Variants in MARCHF7 observed in about 807,000 individuals in gnomAD.
The protein encoded by MARCHF7 is membrane associated ring-CH-type finger 7, also known as E3 ubiquitin-protein ligase MARCHF7.
In MARCHF7, 20 loss-of-function variants were observed where a neutral mutation model predicts 76.5. That is an observed-to-expected ratio of 0.26 (90% confidence interval 0.18 to 0.38). The LOEUF (loss-of-function observed/expected upper bound fraction) is 0.38, where lower values mean the gene tolerates loss of function less well. Among genes scored for constraint, MARCHF7 ranks in the 10% least tolerant of loss-of-function variants. The probability of loss-of-function intolerance (pLI) is 1.00; values close to 1 mark genes in which losing one functional copy is unlikely to be tolerated. For missense variants in MARCHF7, 797 were observed against 812.9 expected, an observed-to-expected ratio of 0.98 and a Z score of 0.24; for synonymous variants, 295 against 293.0, an observed-to-expected ratio of 1.01 and a Z score of -0.07.
intron 7 of MARCHF7, among the ~76,000 whole-genome samples, chr2:159,750,523 C>T (rs1705509624): frequency 6.6e-6 from 1 of 151,404 alleles, no homozygotes; most frequent in Non-Finnish European, 1.5e-5. Context: ...GACTCTGTCT[C>T]AAAATAAAAT....
intron 3 of MARCHF7, among the ~76,000 whole-genome samples, chr2:159,716,223 T>C (rs1036617026): frequency 6.6e-6 from 1 of 151,868 alleles, no homozygotes; most frequent in Non-Finnish European, 1.5e-5. Context: ...CCATGTTTAC[T>C]ATGATTTCCC....
intron 4 of MARCHF7, among the ~76,000 whole-genome samples, chr2:159,738,025 G>C (rs1318178016): frequency 6.6e-6 from 1 of 152,190 alleles, no homozygotes; most frequent in East Asian, 1.9e-4. Flanking sequence ...TATCAGCTCG[G>C]ATCCCACGCC....
chr2:159,757,167 G>A (rs920167154), intron 8 of MARCHF7, among the ~76,000 whole-genome samples: 33 of 152,268 alleles, frequency 2.2e-4, no homozygotes, highest in African/African-American at 7.7e-4. Context: ...CAAAGTGCTG[G>A]GATTACAGGC....
chr2:159,747,865 G>C lies in MARCHF7; in HGVS notation c.575G>C (p.Ser192Thr). Residue 192 changes from serine to threonine, a missense_variant, in exon 7 of 12, where the codon AGC (serine) becomes ACC (threonine). Physicochemically the swap from Ser to Thr is moderately conservative, Grantham distance 58. Around this residue, in one of 3 missense-constraint regions of MARCHF7, gnomAD observed 643 missense variants for 631.5 expected, o/e 1.02. Transcript: ENST00000409175. ...QGARPKENSM[S>T]TLQLNTSSTN... Reference sequence around the variant, plus strand: ...GCAAGACCAAAAGAAAACTCAATGAGCACTTTACAGTTGAATACATCATCC... The same window carrying C: ...GCAAGACCAAAAGAAAACTCAATGACCACTTTACAGTTGAATACATCATCC... 1.2e-6 allele frequency: 2 copies of C among 1,613,338 alleles called. No individual in the cohort carries two copies. The highest frequency in any genetic ancestry group is 2.2e-5 in the South Asian group (2 of 90,854).
chr2:159,759,153 A>C, intron 8 of MARCHF7, 73 bp from the exon 9 acceptor site: 3 of 812,086 alleles, frequency 3.7e-6, no homozygotes, highest in Non-Finnish European at 6.1e-6. Context: ...TTTAAGCTTA[A>C]AACTTAACGA....
chr2:159,713,510 T>G (rs1418934247), intron 1 of MARCHF7, among the ~76,000 whole-genome samples: 1 of 152,240 alleles, frequency 6.6e-6, no homozygotes, highest in Non-Finnish European at 1.5e-5. Context: ...TAGGATTGAT[T>G]AGCTATTTTT....
intron 4 of MARCHF7, among the ~76,000 whole-genome samples, chr2:159,730,947 T>C (rs1224951197): frequency 6.6e-6 from 1 of 152,060 alleles, no homozygotes; most frequent in Non-Finnish European, 1.5e-5. Flanking sequence ...CTGGAGTGAG[T>C]GGTGCAATCA....
At chr2:159,735,127 C>G (rs762036984) in intron 4 of MARCHF7, among the ~76,000 whole-genome samples, 16 of 152,158 alleles carry the variant, frequency 1.1e-4, no homozygotes, top group African/African-American at 3.9e-4. Context: ...CAAGGGAGAG[C>G]TCAAAGTCTT....
chr2:159,766,873 G>A (rs1035184866), intron 11 of MARCHF7, among the ~76,000 whole-genome samples: 2 of 151,934 alleles, frequency 1.3e-5, no homozygotes, highest in Non-Finnish European at 2.9e-5. Context: ...CATTCTCATC[G>A]GATGCACCAA....
At chr2:159,735,298 T>A (rs956697122) in intron 4 of MARCHF7, among the ~76,000 whole-genome samples, 3 of 152,242 alleles carry the variant, frequency 2.0e-5, no homozygotes, top group African/African-American at 7.2e-5. Context: ...GATTTTTAAT[T>A]AATCATTTGC....
chr2:159,712,516 C>G lies in MARCHF7; in HGVS notation c.-233C>G, dbSNP rs1400024480. 2.6e-5 allele frequency: 4 copies of G among 152,734 alleles called. No homozygotes were observed. The highest frequency in any genetic ancestry group is 7.2e-5 in the African/African-American group (3 of 41,410). The allele number at this position is 152,734 out of a possible 1,614,324, so 9.5% of individuals were successfully genotyped here. A position where few individuals can be genotyped will look rare whatever the true frequency, so the allele number is the denominator to read the frequency against. ...TTAACGGTGGTGGCTGGTTCTGCGC[C>G]GGATCCGGGAGAGGGGCGGGCGCCA... is the stretch of plus-strand genomic sequence containing the variant. On this transcript the variant is annotated 5_prime_UTR_variant, in exon 1 of 12. Transcript: ENST00000409175.
intron 4 of MARCHF7, among the ~76,000 whole-genome samples, chr2:159,739,003 C>G (rs1489988862): frequency 1.3e-5 from 2 of 152,208 alleles, no homozygotes; most frequent in East Asian, 3.9e-4. Flanking sequence ...GCCAAGGTAG[C>G]AGTGGGCTGG....
Position 159,743,311 on chromosome 2 carries a change from G to A in MARCHF7, c.346+58G>A, listed in dbSNP as rs1574337434. 3.7e-5 allele frequency: 56 copies of A among 1,498,696 alleles called. No individual in the cohort carries two copies. The East Asian group carries it at 1.3e-3, about 34-fold the overall frequency. 92.8% of individuals were successfully genotyped at this position (1,498,696 alleles called of 1,614,324 possible). On this transcript the variant is annotated intron_variant, in intron 5 of 11. Coordinates refer to ENST00000409175, the MANE Select transcript of MARCHF7 (RefSeq NM_001282805.2). The stretch of plus-strand genomic sequence containing the variant: ...GTTTTTCTCCAGGTGTAACACAGTT[G>A]TTCTTAGTTTTGGAATGAGGCAAGT...
intron 6 of MARCHF7, among the ~76,000 whole-genome samples, chr2:159,746,975 T>C (rs1318548947): frequency 6.6e-6 from 1 of 152,200 alleles, no homozygotes; most frequent in Non-Finnish European, 1.5e-5. Context: ...AGTATAAAAG[T>C]ACAGGATAGA....
At chr2:159,764,288 T>C (rs1328410679) in intron 10 of MARCHF7, among the ~76,000 whole-genome samples, 2 of 151,100 alleles carry the variant, frequency 1.3e-5, no homozygotes, top group African/African-American at 4.9e-5. Flanking sequence ...TTTATTTGGG[T>C]CCAAATACAA....
At chr2:159,723,168 T>C (rs1050876706) in intron 3 of MARCHF7, among the ~76,000 whole-genome samples, 1 of 152,220 alleles carries the variant, frequency 6.6e-6, no homozygotes, top group African/African-American at 2.4e-5. Context: ...GTTTAACCAT[T>C]AATATTCTTT....
intron 8 of MARCHF7, among the ~76,000 whole-genome samples, chr2:159,755,197 G>A (rs1706143201): frequency 1.3e-5 from 2 of 152,216 alleles, no homozygotes. Context: ...ATTGACGTAA[G>A]TAGGCTAAAA....
At chr2:159,756,281 C>T (rs1706281225) in intron 8 of MARCHF7, among the ~76,000 whole-genome samples, 1 of 152,076 alleles carries the variant, frequency 6.6e-6, no homozygotes, top group Non-Finnish European at 1.5e-5. Flanking sequence ...TTAGACAAGC[C>T]CAGTTTGGAA....
In MARCHF7 at chr2:159,737,626, A is replaced by C. The variant is rs566642949; in HGVS notation, c.154-5435A>C. On this transcript the variant is annotated intron_variant, in intron 4 of 11. Transcript: ENST00000409175. The stretch of plus-strand genomic sequence containing the variant: ...TAGTGAGACCCAGTCTCTACCAAGA[A>C]ATAATTTAAAAATTAGCTGTGCATG... Among the ~76,000 whole-genome samples, 6 of 152,284 alleles carry C rather than the reference A, an allele frequency of 3.9e-5. No homozygotes were observed. The East Asian group carries it at 7.7e-4, about 20-fold the overall frequency.
Sources: gnomAD v4.1 joint callset for allele counts (sites outside exome capture counted in the v4.1 genomes callset) on GRCh38, gnomAD v4.1.1 for gene constraint, gnomAD v4.1.1 regional missense constraint, MANE v1.5 for transcripts, NCBI Gene and HGNC (gene_info 2026-07-23, HGNC 2026-07-21) for gene names.